C14orf39: variants seen among roughly 807,000 people sequenced by gnomAD.
C14orf39 encodes the protein protein SIX6OS1.
C14orf39 carries 66 observed loss-of-function variants against 85.6 expected under a neutral mutation model. That is an observed-to-expected ratio of 0.77 (90% CI 0.63 to 0.95). The LOEUF (loss-of-function observed/expected upper bound fraction) is 0.95. Among genes scored for constraint, C14orf39 ranks in the 40% least tolerant of loss-of-function variants. The pLI is 0.00. For missense variants in C14orf39, 735 were observed against 663.9 expected (o/e 1.11, Z -1.18); for synonymous variants, 242 against 214.0 (o/e 1.13, Z -1.14).
At chr14:60,444,331 T>A (rs1156744166) in intron 16 of C14orf39, among the ~76,000 whole-genome samples, 1 of 152,036 alleles carries the variant, frequency 6.6e-6, no homozygotes, top group East Asian at 1.9e-4. Context: ...CTAACTAGAA[T>A]AAACAGCGTA....
intron 16 of C14orf39, among the ~76,000 whole-genome samples, chr14:60,442,576 C>T (rs571979274): frequency 6.6e-6 from 1 of 152,238 alleles, no homozygotes; most frequent in South Asian, 2.1e-4. Context: ...GTTTTCTGTG[C>T]ACCTTTTTCC....
At chr14:60,492,919 C>T (rs1008698751) in intron 2 of C14orf39, among the ~76,000 whole-genome samples, 2 of 152,072 alleles carry the variant, frequency 1.3e-5, no homozygotes, top group African/African-American at 2.4e-5. Context: ...GTCTCACTAA[C>T]GAAATTTTTT....
intron 1 of C14orf39, chr14:60,511,317 G>A: frequency 1.3e-6 from 2 of 1,562,540 alleles, no homozygotes; most frequent in Non-Finnish European, 1.8e-6. Flanking sequence ...AAATGAAAGA[G>A]GGGAAGAAGA....
In C14orf39 at chr14:60,436,948, C is replaced by G. The variant is rs1890279351; in HGVS notation, c.1661G>C (p.Ser554Thr). Residue 554 changes from serine (S) to threonine (T), a missense_variant, in exon 18 of 18, where the codon AGT (serine) becomes ACT (threonine). Ser to Thr is a moderately conservative substitution (Grantham distance 58, BLOSUM62 1). Transcript: ENST00000321731. ...HTFGAGKDDF[S>T]FPFSFGQGQN... ...ACCCTGTCCAAATGAAAATGGAAAA[C>G]TAAAATCATCTTTTCCAGCTCCAAA... 6.2e-7 allele frequency: 1 copy of G among 1,612,546 alleles called. No homozygotes were observed. Among genetic ancestry groups the G allele is most frequent in the Non-Finnish European group, 8.5e-7 (1 of 1,178,964 alleles).
intron 4 of C14orf39, 38 bp downstream of exon 4, chr14:60,483,653 A>G (rs759276798): frequency 1.5e-5 from 23 of 1,549,118 alleles, no homozygotes; most frequent in Non-Finnish European, 2.0e-5. Context: ...ACCCTAAATA[A>G]AAGAATGCAA....
chr14:60,490,717 C>T (rs1892977667), upstream of C14orf39, among the ~76,000 whole-genome samples: 1 of 152,172 alleles, frequency 6.6e-6, no homozygotes, highest in African/African-American at 2.4e-5. Flanking sequence ...ATGTGCTATA[C>T]AGCAAGAAGC....
chr14:60,450,292 A>C (rs1890973382), intron 16 of C14orf39, among the ~76,000 whole-genome samples: 1 of 152,180 alleles, frequency 6.6e-6, no homozygotes. Flanking sequence ...AGGGGAGCCC[A>C]CTACCCTGAA....
intron 16 of C14orf39, among the ~76,000 whole-genome samples, chr14:60,442,526 T>TTTTAAA (rs1890568229): frequency 6.6e-6 from 1 of 152,186 alleles, no homozygotes; most frequent in South Asian, 2.1e-4. Flanking sequence ...ATTTTATCAG[T>TTTTAAA]AAAACAGGCT....
intron 10 of C14orf39, 53 bp from the exon 11 acceptor site, chr14:60,466,108 A>G (rs939394618): frequency 1.5e-5 from 12 of 798,236 alleles, no homozygotes; most frequent in Admixed American, 3.1e-5. Flanking sequence ...AGAATCAAGT[A>G]TCTTCCCCAA....
At chr14:60,498,145 A>G (rs1893095212) in intron 2 of C14orf39, among the ~76,000 whole-genome samples, 2 of 151,980 alleles carry the variant, frequency 1.3e-5, no homozygotes, top group African/African-American at 4.8e-5. Context: ...ATGTTTTAGT[A>G]TTTTTCATAT....
At chr14:60,502,426 G>C (rs1466239858) in intron 1 of C14orf39, among the ~76,000 whole-genome samples, 1 of 151,890 alleles carries the variant, frequency 6.6e-6, no homozygotes, top group Non-Finnish European at 1.5e-5. Context: ...AGATGAGAGG[G>C]ATAGAAAGAA....
In C14orf39 at chr14:60,473,473, C is replaced by T. The variant is rs184647576; in HGVS notation, c.324-1734G>A. ...CTTTTGGTGTTTTAGACATGAAGTC[C>T]TTGCCCAGCCTATGACCTGAATGGT... On this transcript the variant is annotated intron_variant, in intron 5 of 17. Transcript: ENST00000321731. Among the ~76,000 whole-genome samples, 25 of 152,236 alleles carry T rather than the reference C, an allele frequency of 1.6e-4. No individual in the cohort carries two copies. The East Asian group carries it at 4.8e-3, about 29-fold the overall frequency.
chr14:60,468,370 G>C, intron 9 of C14orf39, 75 bp downstream of exon 9: 6 of 806,410 alleles, frequency 7.4e-6, no homozygotes, highest in Non-Finnish European at 1.1e-5. Flanking sequence ...AGTGGTTTGG[G>C]ATGGAATATA....
intron 5 of C14orf39, among the ~76,000 whole-genome samples, chr14:60,474,479 A>C (rs12882482): frequency 0.65 from 37,663 of 58,234 alleles, 15,458 homozygotes; most frequent in Non-Finnish European, 0.86. Flanking sequence ...GTCTTGTGCC[A>C]GTTTTCAAAG....
intron 16 of C14orf39, among the ~76,000 whole-genome samples, chr14:60,443,990 G>A (rs1890645665): frequency 6.6e-6 from 1 of 152,094 alleles, no homozygotes; most frequent in Non-Finnish European, 1.5e-5. Context: ...AAACAGAAAG[G>A]AATAGCATCA....
Position 60,491,802 on chromosome 14 carries a change from TTCTCTCTCTCTTTTTC to T in C14orf39, c.-8-6732_-8-6717del, listed in dbSNP as rs1892993121. Among the ~76,000 whole-genome samples, 1 of 151,954 alleles carries T rather than the reference TTCTCTCTCTCTTTTTC, an allele frequency of 6.6e-6. No individual in the cohort carries two copies. Among genetic ancestry groups the T allele is most frequent in the South Asian group, 2.1e-4 (1 of 4,826 alleles). The stretch of plus-strand genomic sequence containing the variant: ...ACAGAGCAATTCTTAAATGTAAATA[TTCTCTCTCTCTTTTTC>T]TCTCTCTCTCTCTCTCTCACACACA... On this transcript the variant is annotated intron_variant, in intron 2 of 5. Transcript: ENST00000556799. The surrounding 1 kb of genome is among the most constrained non-coding windows in gnomAD (Gnocchi z 4.5).
At chr14:60,494,734 G>C (rs566819316) in intron 2 of C14orf39, 18 of 152,272 alleles carry the variant, frequency 1.2e-4, no homozygotes, top group African/African-American at 4.1e-4. Flanking sequence ...CATTTTTTCA[G>C]TTGCTCTACC....
At chr14:60,513,569 G>T (rs1202519976) in intron 1 of C14orf39, among the ~76,000 whole-genome samples, 1 of 152,144 alleles carries the variant, frequency 6.6e-6, no homozygotes, top group Non-Finnish European at 1.5e-5. Flanking sequence ...CTATGGGGCT[G>T]TCCAGAACCA....
At chr14:60,478,414 T>C (rs747894402) in intron 4 of C14orf39, 25 bp from the exon 5 acceptor site, 2 of 1,260,616 alleles carry the variant, frequency 1.6e-6, no homozygotes, top group Middle Eastern at 1.9e-4. Context: ...ATATTTGTAA[T>C]TAGCAACTCA....
Sources: allele counts gnomAD v4.1 joint callset (sites outside exome capture counted in the v4.1 genomes callset), GRCh38; gene constraint gnomAD v4.1.1; non-coding constraint Gnocchi (gnomAD v3.1); transcripts MANE v1.5; gene names NCBI Gene and HGNC (gene_info 2026-07-23, HGNC 2026-07-21).